Variants in SH3GL3 observed in about 807,000 individuals in gnomAD.
SH3GL3 encodes the protein endophilin-A3.
Under a neutral mutation model 47.7 loss-of-function variants are expected in SH3GL3, and 33 were observed. That is an observed-to-expected ratio of 0.69 (90% CI 0.52 to 0.92). The LOEUF (loss-of-function observed/expected upper bound fraction) is 0.92, where lower values mean the gene tolerates loss of function less well. Ranked by LOEUF, SH3GL3 falls within the 40% of genes least tolerant of loss-of-function variation. The probability of loss-of-function intolerance (pLI) is 0.00; values close to 1 mark genes in which losing one functional copy is unlikely to be tolerated. For missense variants in SH3GL3, 363 were observed against 417.8 expected, an observed-to-expected ratio of 0.87 and a Z score of 1.14; for synonymous variants, 155 against 148.8, an observed-to-expected ratio of 1.04 and a Z score of -0.30.
intron 1 of SH3GL3, among the ~76,000 whole-genome samples, chr15:83,549,105 C>A (rs1047139067): frequency 2.0e-5 from 3 of 152,074 alleles, no homozygotes; most frequent in African/African-American, 7.2e-5. Context: ...CTGTAATTTT[C>A]ATTTGCTTTC....
chr15:83,478,464 A>G (rs1331125223), intron 1 of SH3GL3, among the ~76,000 whole-genome samples: 2 of 152,306 alleles, frequency 1.3e-5, no homozygotes, highest in Middle Eastern at 6.8e-3. Context: ...AATTGGAGTT[A>G]ATACCTCAAA....
intron 1 of SH3GL3, among the ~76,000 whole-genome samples, chr15:83,558,298 T>C (rs748857598): frequency 3.9e-5 from 6 of 152,230 alleles, no homozygotes; most frequent in Non-Finnish European, 7.3e-5. Flanking sequence ...TCGTACTCTT[T>C]AGCTTGGCAT....
intron 8 of SH3GL3, among the ~76,000 whole-genome samples, chr15:83,610,980 A>AAAATATAT (rs71453206): frequency 1.4e-4 from 20 of 147,016 alleles, no homozygotes; most frequent in Admixed American, 1.3e-3. Flanking sequence ...TCAGCCAAAA[A>AAAATATAT]ATATATATAT....
At chr15:83,509,705 A>G (rs966845009) in intron 1 of SH3GL3, among the ~76,000 whole-genome samples, 1 of 152,148 alleles carries the variant, frequency 6.6e-6, no homozygotes, top group Non-Finnish European at 1.5e-5. Context: ...AGAGTATGCT[A>G]TTTTTATGAC....
At chr15:83,554,633 C>T (rs1158518581) in intron 1 of SH3GL3, among the ~76,000 whole-genome samples, 1 of 152,168 alleles carries the variant, frequency 6.6e-6, no homozygotes, top group East Asian at 1.9e-4. Flanking sequence ...GGTGATCCAC[C>T]CGCCTCAACC....
intron 1 of SH3GL3, among the ~76,000 whole-genome samples, chr15:83,538,003 C>T (rs1352793894): frequency 3.9e-5 from 6 of 152,070 alleles, no homozygotes; most frequent in Non-Finnish European, 7.4e-5. Context: ...TGTGTTTTAT[C>T]GATTTACTTC....
chr15:83,547,030 G>A (rs1487943751), intron 1 of SH3GL3, among the ~76,000 whole-genome samples: 1 of 152,156 alleles, frequency 6.6e-6, no homozygotes, highest in Non-Finnish European at 1.5e-5. Flanking sequence ...CACTCCAGCT[G>A]GTGTATCCCT....
intron 1 of SH3GL3, among the ~76,000 whole-genome samples, chr15:83,486,257 A>C: frequency 6.6e-6 from 1 of 152,184 alleles, no homozygotes; most frequent in East Asian, 1.9e-4. Flanking sequence ...AATTTACATA[A>C]CATAAAGTTA....
At chr15:83,513,782 G>A (rs1013190347) in intron 1 of SH3GL3, among the ~76,000 whole-genome samples, 1 of 152,174 alleles carries the variant, frequency 6.6e-6, no homozygotes, top group Non-Finnish European at 1.5e-5. Flanking sequence ...TAACCCAAGA[G>A]CAACCTGAGC....
At chr15:83,591,754 C>T (rs1054361712) in intron 8 of SH3GL3, among the ~76,000 whole-genome samples, 5 of 152,136 alleles carry the variant, frequency 3.3e-5, no homozygotes, top group African/African-American at 7.2e-5. Flanking sequence ...GGCGCCATCT[C>T]GGCTCACTGC....
chr15:83,593,613 T>G (rs1028085604), intron 8 of SH3GL3, among the ~76,000 whole-genome samples: 4 of 152,226 alleles, frequency 2.6e-5, no homozygotes, highest in African/African-American at 9.6e-5. Context: ...CCATAGTTTT[T>G]CTACATAGAT....
intron 8 of SH3GL3, among the ~76,000 whole-genome samples, chr15:83,601,967 A>G (rs72760392): frequency 0.12 from 17,879 of 151,188 alleles, 1,404 homozygotes; most frequent in South Asian, 0.25. Flanking sequence ...AAAAAACAAA[A>G]CATAAAACCG....
Position 83,448,174 on chromosome 15 carries a change from T to C in SH3GL3, c.45+596T>C, listed in dbSNP as rs1214231505. Among the ~76,000 whole-genome samples the C allele has an allele frequency of 3.9e-5, 6 of 152,116 alleles. No homozygotes were observed. The highest frequency in any genetic ancestry group is 7.4e-5 in the Non-Finnish European group (5 of 68,014). ...CGTCTTCCCGGTGTCGGCCCGGGGC[T>C]GGGCATCACGCTTCTGCTCTTACAG... On this transcript the variant is annotated intron_variant, in intron 1 of 8. Transcript: ENST00000427482. The surrounding 1 kb of genome is among the most constrained non-coding windows in gnomAD (Gnocchi z 4.2).
At chr15:83,601,958 AAAAAC>A (rs2060394844) in intron 8 of SH3GL3, among the ~76,000 whole-genome samples, 2 of 151,814 alleles carry the variant, frequency 1.3e-5, no homozygotes, top group East Asian at 3.9e-4. Flanking sequence ...CAAAAAAAAA[AAAAAC>A]AAAACATAAA....
chr15:83,574,870 T>A (rs1054454476), intron 5 of SH3GL3, among the ~76,000 whole-genome samples: 7 of 152,212 alleles, frequency 4.6e-5, no homozygotes, highest in Admixed American at 6.5e-5. Flanking sequence ...TGCTTTCCTT[T>A]GGGAAGCTGT....
chr15:83,567,407 C>A (rs910263588), intron 3 of SH3GL3, among the ~76,000 whole-genome samples: 1 of 152,170 alleles, frequency 6.6e-6, no homozygotes, highest in African/African-American at 2.4e-5. Context: ...GAGGGCAAAG[C>A]CTGTCTCTGG....
rs180898085 is a variant in SH3GL3, at chr15:83,524,099, T to C, written c.46-35154T>C. Among the ~76,000 whole-genome samples the C allele has an allele frequency of 1.3e-3, 198 of 152,280 alleles. 2 individuals are homozygous for C. Among genetic ancestry groups the C allele is most frequent in the African/African-American group, 4.3e-3 (179 of 41,548 alleles). On this transcript the variant is annotated intron_variant, in intron 1 of 8. Transcript: ENST00000427482. The stretch of plus-strand genomic sequence containing the variant: ...TTCTTGCAGTATTAGGAAGTGAATA[T>C]GGTTGGTGTAAGAGAAGGTGACAGT...
intron 6 of SH3GL3, among the ~76,000 whole-genome samples, chr15:83,581,293 C>T (rs1178969998): frequency 6.6e-6 from 1 of 152,178 alleles, no homozygotes; most frequent in African/African-American, 2.4e-5. Context: ...TGTGGTTGTT[C>T]ACTGTCCTCA....
chr15:83,491,644 A>G (rs1489766333), intron 1 of SH3GL3, among the ~76,000 whole-genome samples: 1 of 152,202 alleles, frequency 6.6e-6, no homozygotes, highest in African/African-American at 2.4e-5. Flanking sequence ...AAGGTGCTGT[A>G]AGGAGTGGAA....
Sources: allele counts gnomAD v4.1 joint callset (sites outside exome capture counted in the v4.1 genomes callset), GRCh38; gene constraint gnomAD v4.1.1; non-coding constraint Gnocchi (gnomAD v3.1); transcripts MANE v1.5; gene names NCBI Gene and HGNC (gene_info 2026-07-23, HGNC 2026-07-21).